The following TBC1D4 variants were observed in gnomAD, a reference collection of about 807,000 sequenced individuals.
TBC1D4 encodes TBC (Tre-2, BUB2, CDC16) domain-containing protein.
Under a neutral mutation model 142.5 loss-of-function variants are expected in TBC1D4, and 121 were observed. The observed-to-expected ratio is 0.85, with a 90% CI of 0.73 to 0.99. The LOEUF (loss-of-function observed/expected upper bound fraction) is 0.99, where lower values mean the gene tolerates loss of function less well. Among genes scored for constraint, TBC1D4 ranks in the 50% least tolerant of loss-of-function variants. The probability of loss-of-function intolerance (pLI) is 0.00; values close to 1 mark genes in which losing one functional copy is unlikely to be tolerated. For synonymous variants in TBC1D4, 630 were observed against 628.2 expected, an observed-to-expected ratio of 1.00 and a Z score of -0.04; for missense variants, 1,475 against 1,606.6, an observed-to-expected ratio of 0.92 and a Z score of 1.40.
intron 2 of TBC1D4, among the ~76,000 whole-genome samples, chr13:75,360,847 A>C (rs1882442437): frequency 6.6e-6 from 1 of 152,204 alleles, no homozygotes; most frequent in African/African-American, 2.4e-5. Context: ...TTTTTCTATA[A>C]TAAAATATTA....
chr13:75,319,920 A>G, intron 12 of TBC1D4, 94 bp downstream of exon 12: 1 of 1,351,676 alleles, frequency 7.4e-7, no homozygotes, highest in Non-Finnish European at 1.0e-6. Context: ...TGCATTCAGG[A>G]GACAAACAAA....
intron 1 of TBC1D4, among the ~76,000 whole-genome samples, chr13:75,412,682 A>G (rs1885730597): frequency 6.6e-6 from 1 of 152,194 alleles, no homozygotes; most frequent in African/African-American, 2.4e-5. Context: ...TTTCAAACAA[A>G]CAAAAAGGAA....
chr13:75,348,888 T>G (rs1461570952), intron 5 of TBC1D4, among the ~76,000 whole-genome samples: 1 of 151,830 alleles, frequency 6.6e-6, no homozygotes, highest in African/African-American at 2.4e-5. Flanking sequence ...GAAATACAAA[T>G]ACCTTCTTGA....
chr13:75,389,185 T>C (rs986062634), intron 1 of TBC1D4, among the ~76,000 whole-genome samples: 1 of 152,268 alleles, frequency 6.6e-6, no homozygotes, highest in Non-Finnish European at 1.5e-5. Flanking sequence ...TCCAGACTTT[T>C]CTTAACCTGT....
chr13:75,333,184 A>G (rs1390817473), intron 8 of TBC1D4, among the ~76,000 whole-genome samples: 1 of 152,230 alleles, frequency 6.6e-6, no homozygotes, highest in African/African-American at 2.4e-5. Flanking sequence ...ATAAAGGCCA[A>G]GAGACTTTAA....
chr13:75,437,314 G>GA (rs1886839771), intron 1 of TBC1D4, among the ~76,000 whole-genome samples: 3 of 152,142 alleles, frequency 2.0e-5, no homozygotes, highest in Non-Finnish European at 4.4e-5. Context: ...GGGCAGGACA[G>GA]CATCATGTCT....
At chr13:75,480,877 GCACACA>G (rs35548574) in intron 1 of TBC1D4, among the ~76,000 whole-genome samples, 12 of 124,194 alleles carry the variant, frequency 9.7e-5, no homozygotes, top group South Asian at 3.3e-4. Flanking sequence ...GCACACGCAC[GCACACA>G]CACACACACA....
chr13:75,388,021 G>A (rs1378259751), intron 1 of TBC1D4, among the ~76,000 whole-genome samples: 1 of 152,168 alleles, frequency 6.6e-6, no homozygotes, highest in Non-Finnish European at 1.5e-5. Flanking sequence ...TGTCACCTGA[G>A]GGCTGTTCCA....
chr13:75,325,221 C>T (rs1316344309), intron 10 of TBC1D4, among the ~76,000 whole-genome samples: 1 of 151,914 alleles, frequency 6.6e-6, no homozygotes. Context: ...ATATCCTTTA[C>T]ACACACAGCA....
At chr13:75,314,973 C>T (rs968492039) in intron 12 of TBC1D4, among the ~76,000 whole-genome samples, 1 of 151,126 alleles carries the variant, frequency 6.6e-6, no homozygotes, top group Non-Finnish European at 1.5e-5. Context: ...GAGCGAGGCT[C>T]CATGTCAAAA....
At chr13:75,386,392 C>CTTTTTT (rs765348786) in intron 1 of TBC1D4, among the ~76,000 whole-genome samples, 1 of 111,584 alleles carries the variant, frequency 9.0e-6, no homozygotes, top group African/African-American at 3.8e-5. Context: ...TTTTCTTTTT[C>CTTTTTT]TTTTTTTTTT....
At chr13:75,319,696 CT>C (rs1468957216) in intron 12 of TBC1D4, among the ~76,000 whole-genome samples, 11 of 152,326 alleles carry the variant, frequency 7.2e-5, no homozygotes, top group Admixed American at 5.9e-4. Context: ...TATGTACCCC[CT>C]AACTAGCAAA....
At chr13:75,473,147 AC>A (rs1207631969) in intron 1 of TBC1D4, among the ~76,000 whole-genome samples, 1 of 151,960 alleles carries the variant, frequency 6.6e-6, no homozygotes, top group Non-Finnish European at 1.5e-5. Flanking sequence ...ACAGGCATGC[AC>A]CACCACACCT....
rs1883206352 is a variant in TBC1D4, at chr13:75,371,229, GAGAAACAA to G, written c.499-8630_499-8623del. ...AGACAACCTATAAGGGCAGCAGTAG[GAGAAACAA>G]GTGAGTCAAGACAGGGTTCTCTCTT... is the stretch of plus-strand genomic sequence containing the variant. On this transcript the variant is annotated intron_variant, in intron 1 of 20. Coordinates refer to ENST00000377636, the MANE Select transcript of TBC1D4 (RefSeq NM_014832.5). Among the ~76,000 whole-genome samples the G allele has an allele frequency of 2.0e-5, 3 of 152,182 alleles. No individual in the cohort carries two copies. In the South Asian group the frequency reaches 6.2e-4, roughly 32 times the overall value.
intron 1 of TBC1D4, among the ~76,000 whole-genome samples, chr13:75,405,470 C>T (rs1885295356): frequency 6.6e-6 from 1 of 152,076 alleles, no homozygotes; most frequent in Non-Finnish European, 1.5e-5. Context: ...CAAGGTTTCA[C>T]CATGTTGCCC....
At chr13:75,335,656 A>G (rs1429541004) in intron 8 of TBC1D4, among the ~76,000 whole-genome samples, 1 of 151,982 alleles carries the variant, frequency 6.6e-6, no homozygotes, top group Non-Finnish European at 1.5e-5. Context: ...CATGATACTG[A>G]GTTCTCATGA....
intron 1 of TBC1D4, among the ~76,000 whole-genome samples, chr13:75,480,873 G>GCACACACACA (rs71657792): frequency 1.7e-4 from 17 of 98,886 alleles, no homozygotes; most frequent in African/African-American, 6.1e-4. Flanking sequence ...GCGCGCACAC[G>GCACACACACA]CACGCACACA....
Position 75,285,440 on chromosome 13 carries a change from T to A in TBC1D4, c.*1352A>T, listed in dbSNP as rs531003431. 2 of 152,282 alleles carry A rather than the reference T, an allele frequency of 1.3e-5. No individual in the cohort carries two copies. Among genetic ancestry groups the A allele is most frequent in the Non-Finnish European group, 2.9e-5 (2 of 68,040 alleles). The allele number at this position is 152,282 out of a possible 1,614,324, so 9.4% of individuals were successfully genotyped here. ...AAAGGCAAAAATGCTGCATCAACTT[T>A]CAGAGGCACTATCATAGAATCATCT... is the stretch of plus-strand genomic sequence containing the variant. On this transcript the variant is annotated 3_prime_UTR_variant, in exon 21 of 21. Transcript: ENST00000377636.
intron 13 of TBC1D4, among the ~76,000 whole-genome samples, chr13:75,311,734 T>G (rs1877777290): frequency 6.6e-6 from 1 of 152,190 alleles, no homozygotes; most frequent in South Asian, 2.1e-4. Flanking sequence ...TTTCTTTCTT[T>G]TTTTGGCATT....
Sources: allele counts gnomAD v4.1 joint callset (sites outside exome capture counted in the v4.1 genomes callset), GRCh38; gene constraint gnomAD v4.1.1; transcripts MANE v1.5; gene names NCBI Gene and HGNC (gene_info 2026-07-23, HGNC 2026-07-21).